Variants in NHS observed in about 807,000 individuals in gnomAD.
NHS encodes actin remodeling regulator NHS.
Under a neutral mutation model 72.5 loss-of-function variants are expected in NHS, and 5 were observed. The observed-to-expected ratio is 0.07, with a 90% confidence interval of 0.04 to 0.14. The LOEUF is 0.14. Among genes scored for constraint, NHS ranks in the 10% least tolerant of loss-of-function variants. The pLI is 1.00. For missense variants in NHS, 1,072 were observed against 1,355.7 expected (o/e 0.79, Z 3.29); for synonymous variants, 464 against 547.7 (o/e 0.85, Z 2.13).
At chrX:17,711,830 A>T (rs2066330543) in intron 3 of NHS, among the ~76,000 whole-genome samples, 1 of 111,757 alleles carries the variant, frequency 8.9e-6, no homozygotes, top group Non-Finnish European at 1.9e-5. Flanking sequence ...AAGATTGCAC[A>T]ATCTGTTTAT....
intron 1 of NHS, among the ~76,000 whole-genome samples, chrX:17,593,556 T>C (rs17246484): frequency 0.38 from 41,404 of 109,096 alleles, 5,841 homozygotes; most frequent in East Asian, 0.69. Flanking sequence ...CCATCAAATC[T>C]CAAGGGATAC....
intron 1 of NHS, among the ~76,000 whole-genome samples, chrX:17,646,317 T>C (rs1331004836): frequency 8.9e-6 from 1 of 111,986 alleles, no homozygotes; most frequent in Admixed American, 9.4e-5. Context: ...CTTGATTCTC[T>C]TTCATGTCAA....
intron 1 of NHS, among the ~76,000 whole-genome samples, chrX:17,380,700 G>C (rs1473707094): frequency 8.9e-6 from 1 of 112,156 alleles, no homozygotes; most frequent in Non-Finnish European, 1.9e-5. Flanking sequence ...GAGAAATGGA[G>C]CAGTGGCTGG....
At chrX:17,451,450 C>A (rs776997710) in intron 1 of NHS, among the ~76,000 whole-genome samples, 1 of 112,426 alleles carries the variant, frequency 8.9e-6, no homozygotes, top group Non-Finnish European at 1.9e-5. Context: ...TTAATGAATG[C>A]GTGTCATGCA....
intron 1 of NHS, among the ~76,000 whole-genome samples, chrX:17,562,645 A>G (rs1306198970): frequency 1.8e-5 from 2 of 111,805 alleles, no homozygotes; most frequent in Non-Finnish European, 3.8e-5. Context: ...CTTGATAAAT[A>G]TTTCTATCCT....
chrX:17,723,702 G>A (rs1316489636), intron 5 of NHS, among the ~76,000 whole-genome samples: 1 of 103,820 alleles, frequency 9.6e-6, no homozygotes, highest in Non-Finnish European at 2.0e-5. Flanking sequence ...TCCTTAGACT[G>A]TTGAGTTTCC....
At chrX:17,506,134 G>A (rs2065056584) in intron 1 of NHS, among the ~76,000 whole-genome samples, 1 of 111,774 alleles carries the variant, frequency 8.9e-6, no homozygotes, top group Non-Finnish European at 1.9e-5. Context: ...TTAGAGCCAA[G>A]TCAGAACTTT....
In NHS at chrX:17,674,862, GC is replaced by G. The variant is rs2066070666; in HGVS notation, c.566-12878del. ...CAAAGCAAGGCCAGCTCCTGCAAGG[GC>G]CAGTGGCAGAGTTCACGAGTCAAGG... On this transcript the variant is annotated intron_variant, in intron 1 of 8. Coordinates refer to ENST00000676302, the MANE Select transcript of NHS (RefSeq NM_001291867.2). Among the ~76,000 whole-genome samples, 3 of 111,948 alleles carry G rather than the reference GC, an allele frequency of 2.7e-5. No homozygotes were observed. The Admixed American group carries it at 2.8e-4, about 11-fold the overall frequency.
chrX:17,622,371 T>A (rs752717942), intron 1 of NHS, among the ~76,000 whole-genome samples: 1 of 112,668 alleles, frequency 8.9e-6, no homozygotes, highest in African/African-American at 3.2e-5. Flanking sequence ...AACATGGGCT[T>A]GTGAGCCCTG....
chrX:17,713,592 G>A (rs1414466637), intron 3 of NHS, among the ~76,000 whole-genome samples: 3 of 111,824 alleles, frequency 2.7e-5, no homozygotes, highest in Admixed American at 9.5e-5. Flanking sequence ...TTTAACAGAT[G>A]TATTTTGGGC....
At chrX:17,473,553 T>G (rs1303084347) in intron 1 of NHS, among the ~76,000 whole-genome samples, 5 of 112,344 alleles carry the variant, frequency 4.5e-5, no homozygotes, top group Non-Finnish European at 7.5e-5. Context: ...TGGAAAAGTT[T>G]TTGTTCTTTG....
intron 3 of NHS, among the ~76,000 whole-genome samples, chrX:17,696,402 G>C (rs1341089478): frequency 9.0e-6 from 1 of 111,722 alleles, no homozygotes; most frequent in Non-Finnish European, 1.9e-5. Context: ...TTTGCCTCCA[G>C]GCAGAATTTC....
Position 17,504,055 on chromosome X carries a change from A to T in NHS, c.565+127733A>T, listed in dbSNP as rs73189146. ...TACACTGAACATATTGGAGGAACCT[A>T]GTTGTTCTGCAATTGGGAAACCAAT... On this transcript the variant is annotated intron_variant, in intron 1 of 8. Coordinates refer to ENST00000676302, the MANE Select transcript of NHS (RefSeq NM_001291867.2). Among the ~76,000 whole-genome samples, 523 of 111,634 alleles carry T rather than the reference A, an allele frequency of 4.7e-3. 3 individuals carry two copies. The highest frequency in any genetic ancestry group is 0.018 in the Middle Eastern group (4 of 217).
chrX:17,712,047 C>T (rs920215344), intron 3 of NHS, among the ~76,000 whole-genome samples: 2 of 106,776 alleles, frequency 1.9e-5, no homozygotes, highest in Non-Finnish European at 3.9e-5. Flanking sequence ...TTAGATACTG[C>T]CAAATAGTCT....
chrX:17,544,524 T>G (rs1333411432), intron 1 of NHS, among the ~76,000 whole-genome samples: 2 of 111,955 alleles, frequency 1.8e-5, no homozygotes, highest in Non-Finnish European at 3.8e-5. Context: ...TTATTTATTT[T>G]TATTTGAGAT....
intron 1 of NHS, among the ~76,000 whole-genome samples, chrX:17,472,279 G>A (rs764799922): frequency 7.2e-5 from 8 of 110,399 alleles, no homozygotes; most frequent in African/African-American, 2.3e-4. Context: ...GAGAAATGAT[G>A]AGGGAGGGCA....
At chrX:17,408,126 C>G (rs1024582219) in intron 1 of NHS, among the ~76,000 whole-genome samples, 2 of 111,088 alleles carry the variant, frequency 1.8e-5, no homozygotes, top group Non-Finnish European at 3.8e-5. Context: ...CTACCTCAGC[C>G]TCTCTAGTAG....
At chrX:17,699,759 C>T (rs1434248242) in intron 3 of NHS, among the ~76,000 whole-genome samples, 5 of 111,636 alleles carry the variant, frequency 4.5e-5, no homozygotes, top group African/African-American at 9.8e-5. Context: ...GATCAGGGAC[C>T]TAAACCTAAA....
At chrX:17,641,762 T>TA (rs760304131) in intron 1 of NHS, among the ~76,000 whole-genome samples, 109 of 96,327 alleles carry the variant, frequency 1.1e-3, no homozygotes, top group South Asian at 1.9e-3. Flanking sequence ...TGTGTCTATT[T>TA]AAAAAAAAAA....
Sources: allele counts gnomAD v4.1 joint callset (sites outside exome capture counted in the v4.1 genomes callset), GRCh38; gene constraint gnomAD v4.1.1; transcripts MANE v1.5; gene names NCBI Gene and HGNC (gene_info 2026-07-23, HGNC 2026-07-21).